Variants in TRPM1 observed in about 807,000 individuals in gnomAD.
The protein encoded by TRPM1 is TRPM1-203 APA Isoform, Intron 10.
A neutral mutation model predicts 149.4 loss-of-function variants in TRPM1; 113 were observed. The observed-to-expected ratio is 0.76, with a 90% CI of 0.65 to 0.88. The LOEUF (loss-of-function observed/expected upper bound fraction) is 0.88. TRPM1 is among the 40% of genes least tolerant of loss of function. TRPM1 has a pLI of 0.00. For missense variants in TRPM1, 1,976 were observed against 2,038.7 expected (o/e 0.97, Z 0.59); for synonymous variants, 741 against 759.5 (o/e 0.98, Z 0.40).
At chr15:31,091,535 C>T (rs534044097) in intron 1 of TRPM1, among the ~76,000 whole-genome samples, 2 of 152,244 alleles carry the variant, frequency 1.3e-5, no homozygotes, top group South Asian at 2.1e-4. Context: ...GGGAAGGGCA[C>T]GGAGGGGCAC....
intron 9 of TRPM1, 138 bp downstream of exon 9, chr15:31,062,441 G>C: frequency 1.0e-5 from 11 of 1,089,600 alleles, no homozygotes; most frequent in Non-Finnish European, 1.5e-5. Context: ...CCACCAATTT[G>C]GTATGCATTT....
intron 12 of TRPM1, among the ~76,000 whole-genome samples, chr15:31,050,066 T>C (rs1395935214): frequency 6.6e-6 from 1 of 152,212 alleles, no homozygotes; most frequent in African/African-American, 2.4e-5. Context: ...TTTTCATGAA[T>C]TGCATTTATT....
At chr15:31,075,285 C>T (rs2034660220) in intron 3 of TRPM1, among the ~76,000 whole-genome samples, 1 of 152,146 alleles carries the variant, frequency 6.6e-6, no homozygotes, top group African/African-American at 2.4e-5. Flanking sequence ...AAGTCTCCAA[C>T]TGTCATGTTG....
chr15:31,017,523 C>T (rs935684727), intron 27 of TRPM1, among the ~76,000 whole-genome samples: 9 of 152,134 alleles, frequency 5.9e-5, no homozygotes, highest in Admixed American at 1.3e-4. Context: ...GTACTTCTGT[C>T]CCTGGGGAGT....
In TRPM1 at chr15:31,001,845, C is replaced by A; in HGVS notation, c.4855G>T (p.Ala1619Ser). The change falls in exon 28 of 28, where the codon GCT (alanine) becomes TCT (serine). Residue 1619 changes from alanine to serine, a missense_variant. Coordinates refer to ENST00000256552, the MANE Select transcript of TRPM1 (RefSeq NM_001252024.2). ...AEEKKVKKEKASTETEC is the reference protein window; with the variant it reads ...AEEKKVKKEKSSTETEC ...GACTAGCATTCAGTTTCTGTGGAAG[C>A]TTTCTCTTTCTTAACCTTTTTTTCT... The A allele has an allele frequency of 6.2e-7, 1 of 1,612,180 alleles. No homozygotes were observed.
At chr15:31,137,805 C>A (rs375315459) in intron 1 of TRPM1, among the ~76,000 whole-genome samples, 62 of 152,252 alleles carry the variant, frequency 4.1e-4, no homozygotes, top group African/African-American at 1.4e-3. Flanking sequence ...TAAGAGAAAA[C>A]CACCCCAAAC....
chr15:31,149,098 T>C (rs1370438267), intron 1 of TRPM1, among the ~76,000 whole-genome samples: 1 of 152,002 alleles, frequency 6.6e-6, no homozygotes, highest in Non-Finnish European at 1.5e-5. Flanking sequence ...TGGAAAACAC[T>C]CAAGTAGCCT....
upstream of TRPM1, among the ~76,000 whole-genome samples, chr15:31,103,644 C>T (rs977996128): frequency 2.0e-5 from 3 of 151,882 alleles, no homozygotes; most frequent in African/African-American, 4.8e-5. Context: ...GAAACCTCAT[C>T]TCTACTAAAA....
chr15:31,047,491 C>A (rs985381742), intron 14 of TRPM1, among the ~76,000 whole-genome samples: 1 of 152,220 alleles, frequency 6.6e-6, no homozygotes, highest in Non-Finnish European at 1.5e-5. Flanking sequence ...CTTGAGGAAC[C>A]TCCTGCCGGT....
At chr15:31,052,907 A>C (rs1483233434) in intron 11 of TRPM1, among the ~76,000 whole-genome samples, 1 of 152,256 alleles carries the variant, frequency 6.6e-6, no homozygotes, top group Non-Finnish European at 1.5e-5. Flanking sequence ...AAAATTATTA[A>C]TAACAAATCC....
At chr15:31,125,109 A>T (rs1484831356) in intron 1 of TRPM1, among the ~76,000 whole-genome samples, 1 of 152,064 alleles carries the variant, frequency 6.6e-6, no homozygotes, top group Non-Finnish European at 1.5e-5. Context: ...TGGGAGGCGG[A>T]GGAGGTTGCA....
chr15:31,035,357 G>C (rs1197418656), intron 21 of TRPM1, among the ~76,000 whole-genome samples, 189 bp downstream of exon 21: 1 of 152,116 alleles, frequency 6.6e-6, no homozygotes, highest in Non-Finnish European at 1.5e-5. Context: ...TGTTGGCCAG[G>C]CTGGTTTCAA....
chr15:31,014,873 C>A lies in TRPM1; in HGVS notation c.3629+11266G>T, dbSNP rs377008607. Among the ~76,000 whole-genome samples, 55 of 152,200 alleles carry A rather than the reference C, an allele frequency of 3.6e-4. 1 individual carries two copies. The South Asian group carries it at 0.011, about 30-fold the overall frequency. On this transcript the variant is annotated intron_variant, in intron 27 of 27. Transcript: ENST00000256552. Reference sequence around the variant, plus strand: ...CTCAGAGTTTCCGTTTTCTATCCTCCAACCAGAAAGCTGGGGCTCAAATCA... The same window carrying A: ...CTCAGAGTTTCCGTTTTCTATCCTCAAACCAGAAAGCTGGGGCTCAAATCA...
intron 3 of TRPM1, among the ~76,000 whole-genome samples, chr15:31,075,394 C>T (rs556542174): frequency 7.2e-5 from 11 of 152,222 alleles, no homozygotes; most frequent in African/African-American, 1.9e-4. Context: ...ACTTCCTGAT[C>T]GATTGTCCCA....
chr15:31,052,943 T>C (rs2033984981), intron 11 of TRPM1, among the ~76,000 whole-genome samples: 2 of 152,100 alleles, frequency 1.3e-5, no homozygotes, highest in Admixed American at 6.5e-5. Context: ...AATTTAAAAG[T>C]TTTGTGCAGC....
rs760064389 is a variant in TRPM1 at position 31,070,057 on chromosome 15, C to G, written c.253G>C (p.Gly85Arg). The G allele has an allele frequency of 6.2e-7, 1 of 1,614,166 alleles. No homozygotes were observed. The highest frequency in any genetic ancestry group is 8.5e-7 in the Non-Finnish European group (1 of 1,180,048). ...ATGGCTTTATTGGAATATCCGCCAC[C>G]CTGGAATTCAAGAACTCCATAGGAA... ...TDSYGVLEFQGGGYSNKAMYI... is the reference protein window; with the variant it reads ...TDSYGVLEFQRGGYSNKAMYI... Residue 85 changes from glycine to arginine, a missense_variant, in exon 4 of 28, where the codon GGT becomes CGT. Gly to Arg is a moderately radical substitution (Grantham distance 125, BLOSUM62 -2). Coordinates refer to ENST00000256552, the MANE Select transcript of TRPM1 (RefSeq NM_001252024.2).
At chr15:31,113,491 A>ATT (rs1491167305) in intron 1 of TRPM1, among the ~76,000 whole-genome samples, 4 of 152,004 alleles carry the variant, frequency 2.6e-5, no homozygotes, top group African/African-American at 9.7e-5. Flanking sequence ...ACAATATCTT[A>ATT]AAGACAGTGA....
At chr15:31,039,423 T>C (rs2033537858) in intron 18 of TRPM1, among the ~76,000 whole-genome samples, 1 of 152,194 alleles carries the variant, frequency 6.6e-6, no homozygotes. Flanking sequence ...GTGCCCTCTA[T>C]TTGCCAGAAC....
chr15:31,024,832 GTT>G lies in TRPM1; in HGVS notation c.3629+1305_3629+1306del, dbSNP rs774958797. 6.6e-4 allele frequency among the ~76,000 whole-genome samples: 101 copies of G among 152,326 alleles called. 1 individual carries two copies. Among genetic ancestry groups the G allele is most frequent in the Admixed American group, 5.2e-4 (8 of 15,296 alleles). On this transcript the variant is annotated intron_variant, in intron 27 of 27. Coordinates refer to ENST00000256552, the MANE Select transcript of TRPM1 (RefSeq NM_001252024.2). ...ATACCTTGAAAGTTTAGCAATTACT[GTT>G]AAAGCATCAAAGAAACATTTCAAAG... is the stretch of plus-strand genomic sequence containing the variant.
Sources: allele counts gnomAD v4.1 joint callset (sites outside exome capture counted in the v4.1 genomes callset), GRCh38; gene constraint gnomAD v4.1.1; transcripts MANE v1.5; gene names NCBI Gene and HGNC (gene_info 2026-07-23, HGNC 2026-07-21).